KCTD16: variants seen among roughly 807,000 people sequenced by gnomAD.
The protein encoded by KCTD16 is potassium channel tetramerization domain containing 16, also known as BTB/POZ domain-containing protein KCTD16.
Under a neutral mutation model 33.2 loss-of-function variants are expected in KCTD16, and 13 were observed. The observed-to-expected ratio is 0.39, with a 90% CI of 0.25 to 0.62. The LOEUF is 0.62. KCTD16 is among the 20% of genes least tolerant of loss of function. The pLI is 0.50. For synonymous variants in KCTD16, 197 were observed against 195.3 expected (o/e 1.01, Z -0.07); for missense variants, 441 against 525.1 (o/e 0.84, Z 1.57).
chr5:144,472,280 G>A (rs530317231), intron 3 of KCTD16, among the ~76,000 whole-genome samples: 1 of 152,284 alleles, frequency 6.6e-6, no homozygotes, highest in African/African-American at 2.4e-5. Flanking sequence ...ATACATGATC[G>A]GTAAATAGTA....
chr5:144,377,166 G>A (rs1335126423), intron 3 of KCTD16, among the ~76,000 whole-genome samples: 1 of 152,104 alleles, frequency 6.6e-6, no homozygotes, highest in Non-Finnish European at 1.5e-5. Flanking sequence ...TCTGTTCAAG[G>A]AGAAACATCC....
chr5:144,468,395 G>A (rs138952157), intron 3 of KCTD16, among the ~76,000 whole-genome samples: 5 of 152,218 alleles, frequency 3.3e-5, no homozygotes, highest in African/African-American at 9.6e-5. Context: ...TGATGGATGC[G>A]TGGCTAGTTT....
At chr5:144,446,350 T>G (rs749276132) in intron 3 of KCTD16, among the ~76,000 whole-genome samples, 1 of 151,902 alleles carries the variant, frequency 6.6e-6, no homozygotes, top group Non-Finnish European at 1.5e-5. Context: ...ACTGGCTAGC[T>G]GTATGCAGAA....
chr5:144,391,939 T>C (rs1405651245), intron 3 of KCTD16, among the ~76,000 whole-genome samples: 1 of 152,232 alleles, frequency 6.6e-6, no homozygotes, highest in African/African-American at 2.4e-5. Context: ...AGTTGTGTGC[T>C]AAGTGCTATG....
intron 2 of KCTD16, among the ~76,000 whole-genome samples, chr5:144,178,872 A>G (rs1422337507): frequency 1.3e-5 from 2 of 152,152 alleles, no homozygotes; most frequent in East Asian, 3.8e-4. Context: ...TTCATATTAA[A>G]ATTTTGAGAG....
intron 3 of KCTD16, among the ~76,000 whole-genome samples, chr5:144,236,821 C>A (rs1754267266): frequency 6.6e-6 from 1 of 152,106 alleles, no homozygotes; most frequent in Non-Finnish European, 1.5e-5. Flanking sequence ...GTTTGGGAAA[C>A]TTAAACTTGT....
intron 3 of KCTD16, among the ~76,000 whole-genome samples, chr5:144,247,940 C>T (rs78588005): frequency 0.011 from 1,723 of 152,276 alleles, 13 homozygotes; most frequent in Middle Eastern, 0.027. Flanking sequence ...GGGCTATTTT[C>T]CATGCTCAGT....
chr5:144,346,655 C>A (rs1373203512), intron 3 of KCTD16, among the ~76,000 whole-genome samples: 2 of 152,090 alleles, frequency 1.3e-5, no homozygotes, highest in Admixed American at 6.6e-5. Context: ...TTTATGTCTT[C>A]TTTTGAGAAA....
chr5:144,440,913 C>T (rs1460154723), intron 3 of KCTD16, among the ~76,000 whole-genome samples: 1 of 147,526 alleles, frequency 6.8e-6, no homozygotes, highest in African/African-American at 2.5e-5. Flanking sequence ...CAACAGTCCC[C>T]GGTGTGTGAT....
At chr5:144,269,885 A>G (rs1453420220) in intron 3 of KCTD16, among the ~76,000 whole-genome samples, 1 of 152,096 alleles carries the variant, frequency 6.6e-6, no homozygotes, top group Non-Finnish European at 1.5e-5. Context: ...TTTGTGTATG[A>G]TATTGTATTA....
At chr5:144,343,820 C>T (rs1752710836) in intron 3 of KCTD16, among the ~76,000 whole-genome samples, 1 of 152,136 alleles carries the variant, frequency 6.6e-6, no homozygotes, top group African/African-American at 2.4e-5. Context: ...TTTATTTCTG[C>T]CTTCATTTCG....
intron 3 of KCTD16, among the ~76,000 whole-genome samples, chr5:144,209,629 A>G (rs1428806514): frequency 6.6e-6 from 1 of 151,860 alleles, no homozygotes; most frequent in Non-Finnish European, 1.5e-5. Context: ...TTATTTAATT[A>G]GAAGCTGCCA....
chr5:144,456,339 A>G (rs768764125), intron 3 of KCTD16, among the ~76,000 whole-genome samples: 1 of 152,192 alleles, frequency 6.6e-6, no homozygotes, highest in Non-Finnish European at 1.5e-5. Flanking sequence ...GAAAATACAT[A>G]CATGCTTTTT....
chr5:144,208,700 G>A (rs1753268698), intron 3 of KCTD16, among the ~76,000 whole-genome samples: 2 of 152,156 alleles, frequency 1.3e-5, no homozygotes, highest in South Asian at 4.1e-4. Flanking sequence ...TTTGGCAATG[G>A]TGCCGGGAAC....
rs372128774 is a variant in KCTD16, at chr5:144,366,798, G to A, written c.833-106862G>A. On this transcript the variant is annotated intron_variant, in intron 3 of 3. Coordinates refer to ENST00000512467, the MANE Select transcript of KCTD16 (RefSeq NM_020768.4). ...CCTCAAAGGCTACTCAACAAAAGTC[G>A]GTGGCATGATAGGGCCACTCAGATG... Among the ~76,000 whole-genome samples the A allele has an allele frequency of 3.3e-5, 5 of 152,264 alleles. No individual in the cohort carries two copies. The South Asian group carries it at 6.2e-4, about 19-fold the overall frequency.
At chr5:144,283,608 T>G (rs1755666009) in intron 3 of KCTD16, among the ~76,000 whole-genome samples, 1 of 152,202 alleles carries the variant, frequency 6.6e-6, no homozygotes, top group African/African-American at 2.4e-5. Context: ...ACCCAAATAT[T>G]TTCAGCCAAT....
At chr5:144,434,981 A>C (rs1233325021) in intron 3 of KCTD16, among the ~76,000 whole-genome samples, 1 of 152,188 alleles carries the variant, frequency 6.6e-6, no homozygotes, top group Admixed American at 6.5e-5. Context: ...AGGAAGGCGC[A>C]TGAGGAAGGG....
chr5:144,445,354 C>A lies in KCTD16; in HGVS notation c.833-28306C>A, dbSNP rs73299627. ...CCATGTTTTGTATCAATTCTGGATG[C>A]GTTTGAGAATTTTGGAACAGTGGAC... On this transcript the variant is annotated intron_variant, in intron 3 of 3. Transcript: ENST00000512467. Among the ~76,000 whole-genome samples, 1,036 of 152,068 alleles carry A rather than the reference C, an allele frequency of 6.8e-3. 9 individuals carry two copies. The highest frequency in any genetic ancestry group is 0.024 in the African/African-American group (980 of 41,524).
chr5:144,424,396 T>G (rs1365417091), intron 3 of KCTD16, among the ~76,000 whole-genome samples: 2 of 152,158 alleles, frequency 1.3e-5, no homozygotes, highest in African/African-American at 4.8e-5. Context: ...GCAGGCTCAT[T>G]CATGTTCTTC....
Sources: allele counts gnomAD v4.1 joint callset (sites outside exome capture counted in the v4.1 genomes callset), GRCh38; gene constraint gnomAD v4.1.1; transcripts MANE v1.5; gene names NCBI Gene and HGNC (gene_info 2026-07-23, HGNC 2026-07-21).